The following LRRC4C variants were observed in gnomAD, a reference collection of about 807,000 sequenced individuals.
LRRC4C encodes the protein leucine rich repeat containing 4C, also known as leucine-rich repeat-containing protein 4C.
A neutral mutation model predicts 33.6 loss-of-function variants in LRRC4C; 5 were observed. The observed-to-expected ratio is 0.15, with a 90% confidence interval of 0.08 to 0.31. The LOEUF (loss-of-function observed/expected upper bound fraction) is 0.31, where lower values mean the gene tolerates loss of function less well. Ranked by LOEUF, LRRC4C falls within the 10% of genes least tolerant of loss-of-function variation. The pLI is 1.00. For synonymous variants in LRRC4C, 329 were observed against 302.0 expected (o/e 1.09, Z -0.93); for missense variants, 560 against 796.7 (o/e 0.70, Z 3.58).
chr11:41,289,844 AATGCAT>A (rs2136997826), intron 1 of LRRC4C, among the ~76,000 whole-genome samples: 1 of 152,362 alleles, frequency 6.6e-6, no homozygotes, highest in African/African-American at 2.4e-5. Flanking sequence ...AAGACAGGCA[AATGCAT>A]AAAAATGGCA....
intron 1 of LRRC4C, among the ~76,000 whole-genome samples, chr11:41,253,539 GC>G (rs1321029790): frequency 6.6e-6 from 1 of 152,038 alleles, no homozygotes; most frequent in Non-Finnish European, 1.5e-5. Flanking sequence ...GTGATAATAG[GC>G]TAAAAGTCTT....
At chr11:41,380,189 TA>T (rs1185737250) in intron 1 of LRRC4C, among the ~76,000 whole-genome samples, 2 of 152,182 alleles carry the variant, frequency 1.3e-5, no homozygotes, top group African/African-American at 4.8e-5. Context: ...ACAGGGAAGG[TA>T]TTTTCAATTG....
chr11:40,990,236 T>TATAC (rs1167780628), intron 1 of LRRC4C, among the ~76,000 whole-genome samples: 1 of 48,718 alleles, frequency 2.1e-5, no homozygotes, highest in Non-Finnish European at 4.3e-5. Flanking sequence ...AAGTTTTATA[T>TATAC]ATATATATAT....
At chr11:41,155,187 T>A (rs776379436) in intron 1 of LRRC4C, among the ~76,000 whole-genome samples, 3 of 152,118 alleles carry the variant, frequency 2.0e-5, no homozygotes, top group Non-Finnish European at 2.9e-5. Context: ...ACAGTTTGGG[T>A]GCATGTTTTG....
At chr11:40,173,233 C>T (rs1171094545) in intron 5 of LRRC4C, among the ~76,000 whole-genome samples, 1 of 152,140 alleles carries the variant, frequency 6.6e-6, no homozygotes, top group African/African-American at 2.4e-5. Context: ...GCAATGACAG[C>T]CCTAAGAAAT....
At chr11:41,020,809 G>A (rs1855910127) in intron 1 of LRRC4C, among the ~76,000 whole-genome samples, 1 of 152,010 alleles carries the variant, frequency 6.6e-6, no homozygotes, top group South Asian at 2.1e-4. Context: ...AAGTTGCTTG[G>A]GTTTTCATCA....
At chr11:40,735,407 T>G (rs11036052) in intron 2 of LRRC4C, among the ~76,000 whole-genome samples, 2 of 140,320 alleles carry the variant, frequency 1.4e-5, no homozygotes, top group African/African-American at 2.6e-5. Context: ...TGAGAACATG[T>G]GGTGTTTGGT....
intron 1 of LRRC4C, among the ~76,000 whole-genome samples, chr11:41,027,007 A>G (rs139543432): frequency 1.3e-5 from 2 of 151,678 alleles, no homozygotes; most frequent in East Asian, 1.9e-4. Context: ...GATAGTCAGA[A>G]TTTTTATCTT....
At chr11:40,457,477 C>T (rs1195697318) in intron 3 of LRRC4C, among the ~76,000 whole-genome samples, 1 of 152,086 alleles carries the variant, frequency 6.6e-6, no homozygotes, top group East Asian at 1.9e-4. Flanking sequence ...ATCTTTGCAT[C>T]CCAAATACCT....
intron 3 of LRRC4C, among the ~76,000 whole-genome samples, chr11:40,454,405 T>C (rs556893939): frequency 2.4e-4 from 37 of 152,266 alleles, no homozygotes; most frequent in African/African-American, 8.9e-4. Flanking sequence ...TTTTTTGTAT[T>C]CTAACACTTC....
intron 1 of LRRC4C, among the ~76,000 whole-genome samples, chr11:40,966,815 C>A (rs571571871): frequency 3.4e-4 from 52 of 152,134 alleles, no homozygotes; most frequent in African/African-American, 1.2e-3. Flanking sequence ...ACTGCAATTA[C>A]ACATGGCCTT....
chr11:40,292,594 A>G (rs747931626), intron 4 of LRRC4C: 2 of 144,232 alleles, frequency 1.4e-5, no homozygotes, highest in Non-Finnish European at 3.0e-5. Context: ...ATAGAGAAAA[A>G]TGAACATACT....
chr11:40,133,556 A>G (rs892907634), intron 6 of LRRC4C, among the ~76,000 whole-genome samples: 1 of 152,208 alleles, frequency 6.6e-6, no homozygotes. Flanking sequence ...TATGATTCTA[A>G]GTATATTCTC....
intron 4 of LRRC4C, among the ~76,000 whole-genome samples, chr11:40,251,408 A>G (rs555050541): frequency 6.6e-6 from 1 of 152,268 alleles, no homozygotes; most frequent in East Asian, 1.9e-4. Context: ...TCGAGTACAC[A>G]GAAGTTCCTT....
intron 2 of LRRC4C, among the ~76,000 whole-genome samples, chr11:40,808,114 A>G (rs180827164): frequency 6.6e-6 from 1 of 152,300 alleles, no homozygotes; most frequent in Admixed American, 6.5e-5. Flanking sequence ...TCACTAAACA[A>G]TAATAGATGA....
intron 1 of LRRC4C, among the ~76,000 whole-genome samples, chr11:41,066,314 T>C (rs1938232577): frequency 6.6e-6 from 1 of 152,094 alleles, no homozygotes; most frequent in Non-Finnish European, 1.5e-5. Flanking sequence ...AGAAAGGATA[T>C]CAGAGTCTGA....
chr11:41,177,685 C>T (rs1157570013), intron 1 of LRRC4C, among the ~76,000 whole-genome samples: 1 of 152,096 alleles, frequency 6.6e-6, no homozygotes, highest in Admixed American at 6.5e-5. Flanking sequence ...ACATCCCAAG[C>T]CTTCACACTC....
intron 1 of LRRC4C, among the ~76,000 whole-genome samples, chr11:41,150,976 T>A (rs1477681800): frequency 6.6e-6 from 1 of 151,912 alleles, no homozygotes; most frequent in Non-Finnish European, 1.5e-5. Flanking sequence ...CATATTTCAG[T>A]GGAGATCCTT....
intron 2 of LRRC4C, among the ~76,000 whole-genome samples, chr11:40,927,874 T>C (rs895500028): frequency 2.0e-5 from 3 of 152,182 alleles, no homozygotes; most frequent in Admixed American, 1.3e-4. Flanking sequence ...GGGAGAGGTA[T>C]GTATATCAGA....
Sources: allele counts gnomAD v4.1 joint callset (sites outside exome capture counted in the v4.1 genomes callset), GRCh38; gene constraint gnomAD v4.1.1; transcripts MANE v1.5; gene names NCBI Gene and HGNC (gene_info 2026-07-23, HGNC 2026-07-21).